The following MRPL48 variants were observed in gnomAD, a reference collection of about 807,000 sequenced individuals.
MRPL48 encodes mitochondrial ribosomal protein L48, also known as large ribosomal subunit protein mL48.
Under a neutral mutation model 32.9 loss-of-function variants are expected in MRPL48, and 16 were observed. The observed-to-expected ratio is 0.49, with a 90% CI of 0.33 to 0.74. The LOEUF is 0.74. Among genes scored for constraint, MRPL48 ranks in the 30% least tolerant of loss-of-function variants. MRPL48 has a pLI of 0.02. For synonymous variants in MRPL48, 94 were observed against 89.2 expected, an observed-to-expected ratio of 1.05 and a Z score of -0.31; for missense variants, 206 against 245.3, an observed-to-expected ratio of 0.84 and a Z score of 1.07.
intron 1 of MRPL48, among the ~76,000 whole-genome samples, chr11:73,796,770 A>G (rs1252242067): frequency 1.3e-5 from 2 of 152,164 alleles, no homozygotes; most frequent in South Asian, 2.1e-4. Flanking sequence ...TCTGAGGCTC[A>G]TAAAAACTTT....
chr11:73,814,590 G>A (rs1290766737), intron 3 of MRPL48, among the ~76,000 whole-genome samples: 1 of 151,984 alleles, frequency 6.6e-6, no homozygotes, highest in Non-Finnish European at 1.5e-5. Flanking sequence ...AGCTACTGAG[G>A]AGGCTGAGGC....
At position 73,863,041 on chromosome 11, in the gene MRPL48, T is replaced by G. The variant is rs1948610551; in HGVS notation, c.475-131T>G. 6 of 758,360 alleles carry G rather than the reference T, an allele frequency of 7.9e-6. No individual in the cohort carries two copies. The East Asian group carries it at 1.3e-4, about 17-fold the overall frequency. The allele number at this position is 758,360 out of a possible 1,614,324, so 47.0% of individuals were successfully genotyped here. A position where few individuals can be genotyped will look rare whatever the true frequency, so the allele number is the denominator to read the frequency against. ...GTAGAGGCCAGCTCAGAAACCAGTT[T>G]TGGTGTTAATCTTCCACGCTTGGGC... is the stretch of plus-strand genomic sequence containing the variant. On this transcript the variant is annotated intron_variant, in intron 6 of 7. Transcript: ENST00000310614.
chr11:73,842,108 G>A (rs1053785212), intron 4 of MRPL48: 8 of 152,076 alleles, frequency 5.3e-5, no homozygotes, highest in South Asian at 2.1e-4. Context: ...GCACCACCAC[G>A]GCTGGCTAAT....
chr11:73,857,665 G>A (rs1247611695), intron 5 of MRPL48, among the ~76,000 whole-genome samples: 1 of 148,192 alleles, frequency 6.7e-6, no homozygotes, highest in Non-Finnish European at 1.5e-5. Context: ...CATGATCTCG[G>A]CTCACTGCAA....
chr11:73,856,052 C>T (rs979644502), intron 5 of MRPL48, among the ~76,000 whole-genome samples: 6 of 152,176 alleles, frequency 3.9e-5, no homozygotes, highest in African/African-American at 1.4e-4. Flanking sequence ...ACCTGACACA[C>T]AGTAGGCACT....
intron 1 of MRPL48, among the ~76,000 whole-genome samples, chr11:73,794,863 ACCT>A (rs1028420010): frequency 2.8e-4 from 38 of 137,060 alleles, no homozygotes; most frequent in African/African-American, 1.1e-3. Flanking sequence ...TCCTGCCTCG[ACCT>A]CCTGAGTAGC....
At chr11:73,833,529 T>C (rs939634521) in intron 4 of MRPL48, among the ~76,000 whole-genome samples, 2 of 152,136 alleles carry the variant, frequency 1.3e-5, no homozygotes, top group Non-Finnish European at 2.9e-5. Context: ...AAACCCCTCC[T>C]CAAGATGAAT....
chr11:73,805,727 C>G (rs892975147), intron 2 of MRPL48, among the ~76,000 whole-genome samples: 6 of 148,406 alleles, frequency 4.0e-5, no homozygotes, highest in Non-Finnish European at 7.4e-5. Context: ...GGCATGATCA[C>G]AGCTCACTGT....
chr11:73,859,677 G>A (rs113828601), intron 5 of MRPL48, among the ~76,000 whole-genome samples: 33 of 151,692 alleles, frequency 2.2e-4, no homozygotes, highest in African/African-American at 7.0e-4. Flanking sequence ...TTTTTTTGGA[G>A]TATTAAGTAT....
intron 3 of MRPL48, among the ~76,000 whole-genome samples, chr11:73,808,632 G>C (rs1947503470): frequency 6.6e-6 from 1 of 152,178 alleles, no homozygotes; most frequent in Non-Finnish European, 1.5e-5. Flanking sequence ...AAAATGAGCA[G>C]GCTGTGAGGC....
chr11:73,800,642 G>A (rs1377489396), intron 1 of MRPL48, among the ~76,000 whole-genome samples: 1 of 152,030 alleles, frequency 6.6e-6, no homozygotes, highest in African/African-American at 2.4e-5. Context: ...TTTGCTGATG[G>A]GGAGGAGAGG....
Position 73,806,601 on chromosome 11 carries a change from C to T in MRPL48, c.74+1522C>T, listed in dbSNP as rs556127447. 5.3e-5 allele frequency among the ~76,000 whole-genome samples: 8 copies of T among 152,228 alleles called. No individual in the cohort carries two copies. In the South Asian group the frequency reaches 1.2e-3, roughly 24 times the overall value. ...TTCCTTGCCCCTTAAAAATAAGCAT[C>T]ATGGGGATACTGCCCTATTCCTAGG... On this transcript the variant is annotated intron_variant, in intron 2 of 7. Transcript: ENST00000310614.
In MRPL48 at chr11:73,845,081, C is replaced by T. The variant is rs944065706; in HGVS notation, c.371+105C>T. On this transcript the variant is annotated intron_variant, in intron 5 of 7. Coordinates refer to ENST00000310614, the MANE Select transcript of MRPL48 (RefSeq NM_016055.6). ...TACAGTTTACATGTAGTAAAATTAA[C>T]TCTTTTTAGTTATATAATGTACTAC... The T allele has an allele frequency of 1.9e-5, 22 of 1,166,240 alleles. No homozygotes were observed. The Middle Eastern group carries it at 1.0e-3, about 54-fold the overall frequency. The allele number at this position is 1,166,240 out of a possible 1,614,324, so 72.2% of individuals were successfully genotyped here.
chr11:73,824,730 G>C (rs1276864001), intron 3 of MRPL48, among the ~76,000 whole-genome samples: 2 of 151,930 alleles, frequency 1.3e-5, no homozygotes, highest in Admixed American at 6.6e-5. Flanking sequence ...AAGAAAAAAA[G>C]AAAACCTCAA....
intron 5 of MRPL48, chr11:73,850,520 C>A: frequency 2.7e-6 from 1 of 370,616 alleles, no homozygotes; most frequent in South Asian, 2.1e-5. Flanking sequence ...CACCTTCCAG[C>A]CTTTGTCTTT....
At chr11:73,788,587 C>A (rs917738344) in intron 1 of MRPL48, among the ~76,000 whole-genome samples, 7 of 150,396 alleles carry the variant, frequency 4.7e-5, no homozygotes, top group African/African-American at 1.5e-4. Flanking sequence ...GATTCTCCTG[C>A]CTCAGCCTCC....
chr11:73,855,685 G>T (rs747396113), intron 5 of MRPL48, among the ~76,000 whole-genome samples: 2 of 151,926 alleles, frequency 1.3e-5, no homozygotes, highest in Non-Finnish European at 2.9e-5. Flanking sequence ...ACGGGGTTTC[G>T]CCATCTTGGC....
intron 4 of MRPL48, among the ~76,000 whole-genome samples, chr11:73,840,115 T>C (rs1948163284): frequency 6.9e-6 from 1 of 145,836 alleles, no homozygotes; most frequent in Non-Finnish European, 1.5e-5. Flanking sequence ...AAAAAAAAAC[T>C]CAGTTTTGTC....
chr11:73,794,601 C>T (rs1387667240), intron 1 of MRPL48, among the ~76,000 whole-genome samples: 1 of 151,556 alleles, frequency 6.6e-6, no homozygotes, highest in East Asian at 1.9e-4. Flanking sequence ...AACAAACAAA[C>T]ATTTTAGATG....
Sources: gnomAD v4.1 joint callset for allele counts (sites outside exome capture counted in the v4.1 genomes callset) on GRCh38, gnomAD v4.1.1 for gene constraint, MANE v1.5 for transcripts, NCBI Gene and HGNC (gene_info 2026-07-23, HGNC 2026-07-21) for gene names.